CDKL4: variants seen among roughly 807,000 people sequenced by gnomAD.
CDKL4 encodes cyclin-dependent kinase-like 4.
In CDKL4, 44 loss-of-function variants were observed where a neutral mutation model predicts 42.0. The ratio of observed to expected loss-of-function variants is 1.05; its 90% confidence interval spans 0.82 to 1.35. The LOEUF (loss-of-function observed/expected upper bound fraction) is 1.35. Among genes scored for constraint, CDKL4 ranks in the 40% most tolerant of loss-of-function variants. CDKL4 has a pLI of 0.00. For missense variants in CDKL4, 393 were observed against 369.9 expected (o/e 1.06, Z -0.51); for synonymous variants, 120 against 121.6 (o/e 0.99, Z 0.09).
At chr2:39,188,433 G>A (rs1453928475) in intron 6 of CDKL4, among the ~76,000 whole-genome samples, 3 of 150,626 alleles carry the variant, frequency 2.0e-5, no homozygotes, top group Non-Finnish European at 3.0e-5. Flanking sequence ...GTGGTGGTGC[G>A]CACCTATAGT....
At chr2:39,203,702 C>T (rs1402990483) in intron 5 of CDKL4, among the ~76,000 whole-genome samples, 1 of 152,188 alleles carries the variant, frequency 6.6e-6, no homozygotes, top group Admixed American at 6.5e-5. Context: ...TTTCATGATA[C>T]TGATGCACCA....
At chr2:39,224,075 A>T (rs187099977) in intron 3 of CDKL4, among the ~76,000 whole-genome samples, 1 of 152,234 alleles carries the variant, frequency 6.6e-6, no homozygotes, top group Non-Finnish European at 1.5e-5. Context: ...CCTTTTAAAA[A>T]ATGTTATTTG....
intron 5 of CDKL4, among the ~76,000 whole-genome samples, chr2:39,194,873 T>C (rs1676417659): frequency 6.6e-6 from 1 of 152,224 alleles, no homozygotes; most frequent in African/African-American, 2.4e-5. Context: ...TGGCATGAAG[T>C]ACATTCGGTG....
intron 8 of CDKL4, 138 bp from the exon 9 acceptor site, chr2:39,179,459 C>G: frequency 1.6e-6 from 1 of 633,486 alleles, no homozygotes; most frequent in Non-Finnish European, 2.5e-6. Flanking sequence ...GTAGTTGGAG[C>G]TTGCTAATAG....
chr2:39,222,948 TTTAA>T (rs1190357049), intron 3 of CDKL4, among the ~76,000 whole-genome samples: 1 of 152,176 alleles, frequency 6.6e-6, no homozygotes, highest in Non-Finnish European at 1.5e-5. Flanking sequence ...AATATGCCAT[TTTAA>T]TTGTTTTTAT....
At chr2:39,221,660 G>C (rs1678380159) in intron 3 of CDKL4, among the ~76,000 whole-genome samples, 1 of 152,226 alleles carries the variant, frequency 6.6e-6, no homozygotes, top group East Asian at 1.9e-4. Flanking sequence ...GCAGTGCTAA[G>C]CACATTTGTA....
At chr2:39,175,318 G>T (rs1462069673), downstream of CDKL4, among the ~76,000 whole-genome samples, 2 of 152,190 alleles carry the variant, frequency 1.3e-5, no homozygotes, top group East Asian at 1.9e-4. Flanking sequence ...TTATCCGAGG[G>T]CGTTACTGAT....
At chr2:39,170,662 G>A (rs1399639578), downstream of CDKL4, among the ~76,000 whole-genome samples, 2 of 151,960 alleles carry the variant, frequency 1.3e-5, no homozygotes, top group Non-Finnish European at 2.9e-5. Flanking sequence ...TCGCCATGTT[G>A]GCCAGGCTGG....
At chr2:39,192,300 G>A (rs772911665) in intron 5 of CDKL4, among the ~76,000 whole-genome samples, 4 of 152,076 alleles carry the variant, frequency 2.6e-5, no homozygotes, top group Non-Finnish European at 5.9e-5. Flanking sequence ...ACCACCCAAA[G>A]GTACTTTGTG....
chr2:39,177,054 C>G (rs1423725773), intron 9 of CDKL4, among the ~76,000 whole-genome samples: 1 of 152,080 alleles, frequency 6.6e-6, no homozygotes, highest in East Asian at 1.9e-4. Flanking sequence ...ATGCAGTTTA[C>G]AGAGGATGGA....
At chr2:39,244,783 A>G (rs12614511), upstream of CDKL4, among the ~76,000 whole-genome samples, 65,773 of 152,046 alleles carry the variant, frequency 0.43, 16,265 homozygotes, top group East Asian at 0.77. Flanking sequence ...TAGCTCAGGG[A>G]TTGTAAATAC....
At chr2:39,208,402 G>A (rs995165332) in intron 4 of CDKL4, among the ~76,000 whole-genome samples, 3 of 151,632 alleles carry the variant, frequency 2.0e-5, no homozygotes, top group Admixed American at 6.6e-5. Context: ...GTGCAGTGGC[G>A]TGATCTCGGC....
chr2:39,220,985 T>C (rs1678294329), intron 3 of CDKL4, among the ~76,000 whole-genome samples: 1 of 42,978 alleles, frequency 2.3e-5, no homozygotes, highest in African/African-American at 4.2e-5. Context: ...TCTTTTTTTT[T>C]TTTTTTTTTT....
intron 3 of CDKL4, among the ~76,000 whole-genome samples, chr2:39,221,302 A>T (rs957687580): frequency 1.3e-5 from 2 of 152,074 alleles, no homozygotes; most frequent in African/African-American, 4.8e-5. Flanking sequence ...GGCGTGAGCC[A>T]CTGCGCCCGT....
chr2:39,193,469 G>A (rs1009524821), intron 5 of CDKL4, among the ~76,000 whole-genome samples: 24 of 151,596 alleles, frequency 1.6e-4, no homozygotes, highest in African/African-American at 5.1e-4. Context: ...TCCACCTCCC[G>A]GGTACATGCG....
intron 4 of CDKL4, among the ~76,000 whole-genome samples, chr2:39,205,869 A>C (rs184190156): frequency 9.9e-4 from 151 of 152,042 alleles, no homozygotes; most frequent in African/African-American, 3.4e-3. Flanking sequence ...TGGGGCGCAC[A>C]GTCCCCTGCT....
intron 7 of CDKL4, among the ~76,000 whole-genome samples, chr2:39,185,175 T>C (rs11884986): frequency 0.02 from 2,025 of 100,348 alleles, 234 homozygotes; most frequent in East Asian, 0.13. Flanking sequence ...TGTATATATA[T>C]ACATATGTGT....
intron 1 of CDKL4, among the ~76,000 whole-genome samples, chr2:39,242,802 G>A (rs79000758): frequency 1.8e-4 from 27 of 152,182 alleles, no homozygotes; most frequent in African/African-American, 6.3e-4. Context: ...AGTGGCATTA[G>A]GAATGATGCG....
chr2:39,201,490 A>G (rs1360058449), intron 5 of CDKL4, among the ~76,000 whole-genome samples: 1 of 152,172 alleles, frequency 6.6e-6, no homozygotes, highest in Non-Finnish European at 1.5e-5. Flanking sequence ...GAGGAAAAGA[A>G]GTCATTATAT....
Sources: gnomAD v4.1 joint callset for allele counts (sites outside exome capture counted in the v4.1 genomes callset) on GRCh38, gnomAD v4.1.1 for gene constraint, MANE v1.5 for transcripts, NCBI Gene and HGNC (gene_info 2026-07-23, HGNC 2026-07-21) for gene names.